The following GREB1L variants were observed in gnomAD, a reference collection of about 807,000 sequenced individuals.
GREB1L encodes the protein GREB1 like retinoic acid receptor coactivator.
GREB1L carries 17 observed loss-of-function variants against 200.8 expected under a neutral mutation model. The ratio of observed to expected loss-of-function variants is 0.08; its 90% CI spans 0.06 to 0.13. GREB1L has a LOEUF of 0.13. GREB1L is among the 10% of genes least tolerant of loss of function. The pLI is 1.00. For missense variants in GREB1L, 1,657 were observed against 2,367.7 expected (o/e 0.70, Z 6.23); for synonymous variants, 789 against 893.0 (o/e 0.88, Z 2.08).
intron 6 of GREB1L, among the ~76,000 whole-genome samples, chr18:21,402,916 T>TTA (rs1378821670): frequency 1.3e-5 from 2 of 151,142 alleles, no homozygotes; most frequent in East Asian, 1.9e-4. Context: ...TTTATATAAT[T>TTA]TATATATATA....
intron 2 of GREB1L, among the ~76,000 whole-genome samples, chr18:21,366,711 G>C (rs2039692442): frequency 6.9e-6 from 1 of 145,906 alleles, no homozygotes; most frequent in South Asian, 2.1e-4. Flanking sequence ...GTCAGAAGGG[G>C]CATATCCCAA....
At chr18:21,384,836 T>C (rs1357043933) in intron 4 of GREB1L, among the ~76,000 whole-genome samples, 5 of 130,066 alleles carry the variant, frequency 3.8e-5, no homozygotes, top group Non-Finnish European at 7.8e-5. Flanking sequence ...AGATTTCATA[T>C]TTACCGTTTA....
intron 7 of GREB1L, among the ~76,000 whole-genome samples, chr18:21,419,070 A>G (rs1310098416): frequency 6.6e-6 from 1 of 152,304 alleles, no homozygotes; most frequent in South Asian, 2.1e-4. Context: ...GTAGTTATTC[A>G]TGTTGTAATT....
chr18:21,333,649 TG>T (rs2039140833), intron 1 of GREB1L, among the ~76,000 whole-genome samples: 1 of 145,306 alleles, frequency 6.9e-6, no homozygotes, highest in Non-Finnish European at 1.5e-5. Flanking sequence ...TACTCCAACC[TG>T]GGGGACAAGA....
chr18:21,259,043 C>T (rs1284712789), intron 1 of GREB1L, among the ~76,000 whole-genome samples: 2 of 152,080 alleles, frequency 1.3e-5, no homozygotes, highest in Admixed American at 1.3e-4. Context: ...AAAATCAAAA[C>T]AGTGTGGGCT....
intron 1 of GREB1L, among the ~76,000 whole-genome samples, chr18:21,341,622 C>G (rs2039271125): frequency 6.6e-6 from 1 of 152,206 alleles, no homozygotes; most frequent in Non-Finnish European, 1.5e-5. Context: ...ATCCTCCCAC[C>G]TTAGCATCCC....
chr18:21,408,087 AT>A (rs2030489615), intron 7 of GREB1L, among the ~76,000 whole-genome samples: 1 of 152,220 alleles, frequency 6.6e-6, no homozygotes, highest in Non-Finnish European at 1.5e-5. Context: ...AATAATATAT[AT>A]TTTTAAATAG....
Position 21,490,047 on chromosome 18 carries a change from A to G in GREB1L, c.2726A>G (p.Tyr909Cys). The part of the protein sequence containing the change: ...PRLHSMVVRC[Y>C]LLIQQYSEAL... Reference sequence around the variant, plus strand: ...CTGCACAGCATGGTCGTCCGCTGCTATCTTCTCATCCAGCAGTACTCTGAG... The same window carrying G: ...CTGCACAGCATGGTCGTCCGCTGCTGTCTTCTCATCCAGCAGTACTCTGAG... Residue 909 changes from tyrosine (Y) to cysteine (C), a missense_variant, in exon 19 of 33, where the codon TAT becomes TGT. Tyr to Cys is a radical substitution (Grantham distance 194, BLOSUM62 -2). Transcript: ENST00000424526. 1.9e-6 allele frequency: 3 copies of G among 1,551,824 alleles called. No individual in the cohort carries two copies. Among genetic ancestry groups the G allele is most frequent in the South Asian group, 1.2e-5 (1 of 84,056 alleles).
intron 1 of GREB1L, among the ~76,000 whole-genome samples, chr18:21,329,971 G>C (rs200030255): frequency 6.9e-4 from 27 of 39,062 alleles, no homozygotes; most frequent in African/African-American, 1.9e-3. Context: ...TTTTTTTTTG[G>C]GGGGGGGGGG....
intron 18 of GREB1L, among the ~76,000 whole-genome samples, chr18:21,488,513 C>A (rs764832828): frequency 6.6e-6 from 1 of 152,124 alleles, no homozygotes; most frequent in Admixed American, 6.5e-5. Context: ...CATTAGCCTA[C>A]CCAGCTGCTG....
At chr18:21,263,092 A>T (rs546499045) in intron 1 of GREB1L, among the ~76,000 whole-genome samples, 1 of 152,282 alleles carries the variant, frequency 6.6e-6, no homozygotes, top group Non-Finnish European at 1.5e-5. Flanking sequence ...CTTTTTTTGC[A>T]GTGCCAGGGA....
chr18:21,286,488 T>TA (rs552851422), intron 1 of GREB1L, among the ~76,000 whole-genome samples: 15 of 152,184 alleles, frequency 9.9e-5, no homozygotes, highest in Non-Finnish European at 2.1e-4. Flanking sequence ...TTTCAAAAAA[T>TA]AAGTCATGAG....
chr18:21,517,056 T>G (rs1437149994), intron 30 of GREB1L, among the ~76,000 whole-genome samples: 1 of 151,930 alleles, frequency 6.6e-6, no homozygotes, highest in African/African-American at 2.4e-5. Context: ...ATATTTTTAG[T>G]AGAGATGGGG....
At chr18:21,359,242 G>A (rs2039548825) in intron 1 of GREB1L, among the ~76,000 whole-genome samples, 1 of 152,196 alleles carries the variant, frequency 6.6e-6, no homozygotes, top group South Asian at 2.1e-4. Context: ...ATGAGGTCAG[G>A]AGTTCGAGAC....
At chr18:21,286,964 A>T (rs974972082) in intron 1 of GREB1L, among the ~76,000 whole-genome samples, 2 of 152,172 alleles carry the variant, frequency 1.3e-5, no homozygotes, top group African/African-American at 4.8e-5. Flanking sequence ...AACATTTTGT[A>T]AGGGACCTTT....
At chr18:21,475,539 G>T (rs1325854972) in intron 16 of GREB1L, among the ~76,000 whole-genome samples, 1 of 151,902 alleles carries the variant, frequency 6.6e-6, no homozygotes, top group African/African-American at 2.4e-5. Flanking sequence ...TGTATTTTTA[G>T]TAGAGATGGG....
chr18:21,350,846 A>C (rs1202597084), intron 1 of GREB1L, among the ~76,000 whole-genome samples: 1 of 152,118 alleles, frequency 6.6e-6, no homozygotes, highest in Admixed American at 6.6e-5. Context: ...ATCCGTAAAA[A>C]ACCTTGCTGG....
At chr18:21,292,689 C>T (rs2038469756) in intron 1 of GREB1L, among the ~76,000 whole-genome samples, 1 of 152,214 alleles carries the variant, frequency 6.6e-6, no homozygotes, top group Admixed American at 6.5e-5. Context: ...CAGTACTTCA[C>T]CTCTTTTCAA....
intron 7 of GREB1L, among the ~76,000 whole-genome samples, chr18:21,404,911 G>A (rs1271206559): frequency 6.6e-6 from 1 of 152,140 alleles, no homozygotes; most frequent in African/African-American, 2.4e-5. Flanking sequence ...AGAAGAAGGT[G>A]GTCTTCATTT....
Sources: allele counts gnomAD v4.1 joint callset (sites outside exome capture counted in the v4.1 genomes callset), GRCh38; gene constraint gnomAD v4.1.1; transcripts MANE v1.5; gene names NCBI Gene and HGNC (gene_info 2026-07-23, HGNC 2026-07-21).